The following IL22RA1 variants were observed in gnomAD, a reference collection of about 807,000 sequenced individuals.
IL22RA1 encodes interleukin 22 receptor subunit alpha 1, also known as interleukin-22 receptor subunit alpha-1.
A neutral mutation model predicts 32.8 loss-of-function variants in IL22RA1; 25 were observed. The observed-to-expected ratio is 0.76, with a 90% CI of 0.55 to 1.06. IL22RA1 has a LOEUF of 1.06. Ranked by LOEUF, IL22RA1 falls within the 50% of genes least tolerant of loss-of-function variation. The pLI is 0.00. For missense variants in IL22RA1, 709 were observed against 727.4 expected (o/e 0.97, Z 0.29); for synonymous variants, 305 against 305.0 (o/e 1.00, Z 0.00).
intron 1 of IL22RA1, among the ~76,000 whole-genome samples, chr1:24,140,543 C>T (rs1644273343): frequency 6.6e-6 from 1 of 152,176 alleles, no homozygotes; most frequent in Non-Finnish European, 1.5e-5. Flanking sequence ...CCCTCTCTTC[C>T]AGGCTAGGTC....
At chr1:24,124,766 C>T (rs1467713665) in intron 5 of IL22RA1, among the ~76,000 whole-genome samples, 1 of 152,132 alleles carries the variant, frequency 6.6e-6, no homozygotes, top group Non-Finnish European at 1.5e-5. Flanking sequence ...CTCTCTGGGT[C>T]AGCTTCCCAC....
chr1:24,132,848 T>C (rs915864924), intron 4 of IL22RA1, among the ~76,000 whole-genome samples: 9 of 151,346 alleles, frequency 5.9e-5, no homozygotes, highest in Non-Finnish European at 1.0e-4. Context: ...TTTTTTTAAA[T>C]GGCTTAAGTT....
chr1:24,140,583 G>A (rs923771732), intron 1 of IL22RA1, among the ~76,000 whole-genome samples: 1 of 152,194 alleles, frequency 6.6e-6, no homozygotes, highest in Non-Finnish European at 1.5e-5. Flanking sequence ...CTTCTGTTAA[G>A]GGAAGGGCAG....
chr1:24,121,510 C>T lies in IL22RA1; in HGVS notation c.1020G>A (p.Val340=). Residue 340 remains valine, a synonymous_variant, in exon 7 of 7, where the codon GTG becomes GTA. Coordinates refer to ENST00000270800, the MANE Select transcript of IL22RA1 (RefSeq NM_021258.4). ...PDISILQPSN[V]PPPQILSPLS... ...GTGGGGAGAGGATCTGGGGAGGTGG[C>T]ACGTTGGAGGGCTGGAGGATGGAGA... The T allele has an allele frequency of 6.3e-7, 1 of 1,579,364 alleles. No homozygotes were observed. The highest frequency in any genetic ancestry group is 1.2e-5 in the South Asian group (1 of 86,112).
At chr1:24,128,563 T>C (rs1644181524) in intron 4 of IL22RA1, among the ~76,000 whole-genome samples, 1 of 151,744 alleles carries the variant, frequency 6.6e-6, no homozygotes, top group South Asian at 2.1e-4. Flanking sequence ...TGTGTGGTTA[T>C]ACACACATAA....
Position 24,128,242 on chromosome 1 carries a change from C to A in IL22RA1, c.569G>T (p.Gly190Val). 1 of 1,611,364 alleles carries A rather than the reference C, an allele frequency of 6.2e-7. No homozygotes were observed. The highest frequency in any genetic ancestry group is 8.5e-7 in the Non-Finnish European group (1 of 1,178,786). Residue 190 changes from glycine (G) to valine (V), a missense_variant, in exon 5 of 7, where the codon GGC becomes GTC. Transcript: ENST00000270800. ...AAGGAACTCTGTGTCAGGGGTCAGG[C>A]CGAAGAACTCATATTCTCTCTGCTT... ...GGKQREYEFF[G>V]LTPDTEFLGT...
chr1:24,120,876 C>G lies in IL22RA1; in HGVS notation c.1654G>C (p.Asp552His). Residue 552 changes from aspartate to histidine, a missense_variant, in exon 7 of 7, where the codon GAC (aspartate) becomes CAC (histidine). Physicochemically the swap from Asp to His is moderately conservative, Grantham distance 81. Transcript: ENST00000270800. The stretch of plus-strand genomic sequence containing the variant: ...TCCAGTTCTGTGGGCTGCTCCAGGT[C>G]TGAGGTCTCAGGGGCTGGGCTCTTG... ...EAKSPAPETS[D>H]LEQPTELDSL... is the part of the protein sequence containing the mutation. 1.9e-6 allele frequency: 3 copies of G among 1,614,214 alleles called. No homozygotes were observed. Among genetic ancestry groups the G allele is most frequent in the Non-Finnish European group, 2.5e-6 (3 of 1,180,034 alleles).
In IL22RA1 at chr1:24,121,043, AG is replaced by A; in HGVS notation, c.1486del (p.Leu496SerfsTer73). ...GATCTGGACTGAGGAGAGGAGGGGG[AG>A]CTGGCCCTTTAGGTACTGTGGTGTC... Reference protein sequence around the residue: ...EGTPQYLKGQLPLLSSVQIEG... With the variant: ...EGTPQYLKGQXPLLSSVQIEG... On this transcript the variant is annotated frameshift_variant, in exon 7 of 7. Coordinates refer to ENST00000270800, the MANE Select transcript of IL22RA1 (RefSeq NM_021258.4). LOFTEE classifies it low-confidence loss of function (END_TRUNC). 1 of 1,613,950 alleles carries A rather than the reference AG, an allele frequency of 6.2e-7. No individual in the cohort carries two copies. Among genetic ancestry groups the A allele is most frequent in the Non-Finnish European group, 8.5e-7 (1 of 1,179,944 alleles).
intron 3 of IL22RA1, chr1:24,134,838 C>T: frequency 1.0e-6 from 1 of 984,664 alleles, no homozygotes; most frequent in Non-Finnish European, 1.2e-6. Context: ...AGGCTGAAGA[C>T]TTCTGTCTCT....
intron 5 of IL22RA1, among the ~76,000 whole-genome samples, chr1:24,124,700 TG>T (rs1317496339): frequency 1.3e-5 from 2 of 152,054 alleles, no homozygotes; most frequent in African/African-American, 4.8e-5. Flanking sequence ...CGGGTACTGC[TG>T]GAACCTCTAC....
rs554885664 is a variant in IL22RA1, at chr1:24,141,829, T to A, written c.43+1211A>T. ...TGGCGGATTTATAAAAGGCAACTTG[T>A]TTTTTCACATTCATGTGGAAAAACA... On this transcript the variant is annotated intron_variant, in intron 1 of 6. Coordinates refer to ENST00000270800, the MANE Select transcript of IL22RA1 (RefSeq NM_021258.4). Among the ~76,000 whole-genome samples, 4 of 152,230 alleles carry A rather than the reference T, an allele frequency of 2.6e-5. No individual in the cohort carries two copies. In the South Asian group the frequency reaches 8.3e-4, roughly 32 times the overall value.
At chr1:24,127,305 G>A (rs1644172610) in intron 5 of IL22RA1, among the ~76,000 whole-genome samples, 1 of 151,044 alleles carries the variant, frequency 6.6e-6, no homozygotes, top group South Asian at 2.1e-4. Flanking sequence ...GTGACCTTGG[G>A]CAAGTCACTT....
chr1:24,141,706 A>G (rs1644282506), intron 1 of IL22RA1, among the ~76,000 whole-genome samples: 3 of 152,126 alleles, frequency 2.0e-5, no homozygotes, highest in African/African-American at 4.8e-5. Flanking sequence ...CCTCAAATCT[A>G]TCATCCATTC....
At chr1:24,125,900 C>T (rs1410558405) in intron 5 of IL22RA1, among the ~76,000 whole-genome samples, 1 of 152,076 alleles carries the variant, frequency 6.6e-6, no homozygotes, top group Non-Finnish European at 1.5e-5. Flanking sequence ...GGATAAGGTG[C>T]CTTCTATATG....
intron 4 of IL22RA1, among the ~76,000 whole-genome samples, chr1:24,133,379 C>T (rs1159598667): frequency 6.6e-6 from 1 of 152,088 alleles, no homozygotes. Context: ...CTTGTTTTAA[C>T]TTCCTTTTCA....
chr1:24,124,874 C>A (rs1233012384), intron 5 of IL22RA1, among the ~76,000 whole-genome samples: 1 of 152,144 alleles, frequency 6.6e-6, no homozygotes, highest in African/African-American at 2.4e-5. Flanking sequence ...AAAACCACTG[C>A]TGTTTGTTCC....
At chr1:24,134,126 C>T in intron 4 of IL22RA1, 85 bp downstream of exon 4, 5 of 1,205,452 alleles carry the variant, frequency 4.1e-6, no homozygotes, top group Non-Finnish European at 5.7e-6. Flanking sequence ...AACATGTCCC[C>T]TTTTTTTCTT....
At chr1:24,139,723 T>A (rs1232754116) in intron 1 of IL22RA1, among the ~76,000 whole-genome samples, 7 of 152,196 alleles carry the variant, frequency 4.6e-5, no homozygotes, top group Non-Finnish European at 8.8e-5. Flanking sequence ...TTTTTTGTAG[T>A]GATGGGGTCT....
chr1:24,136,269 A>G (rs1644241653), intron 3 of IL22RA1, among the ~76,000 whole-genome samples: 1 of 152,174 alleles, frequency 6.6e-6, no homozygotes, highest in African/African-American at 2.4e-5. Flanking sequence ...AGAATCTTCT[A>G]TGTGCCAGGC....
Sources: gnomAD v4.1 joint callset for allele counts (sites outside exome capture counted in the v4.1 genomes callset) on GRCh38, gnomAD v4.1.1 for gene constraint, MANE v1.5 for transcripts, NCBI Gene and HGNC (gene_info 2026-07-23, HGNC 2026-07-21) for gene names.